PTPRD: variants seen among roughly 807,000 people sequenced by gnomAD.
PTPRD encodes protein tyrosine phosphatase receptor type D.
A neutral mutation model predicts 214.5 loss-of-function variants in PTPRD; 34 were observed. The ratio of observed to expected loss-of-function variants is 0.16; its 90% CI spans 0.12 to 0.21. The LOEUF (loss-of-function observed/expected upper bound fraction) is 0.21. Ranked by LOEUF, PTPRD falls within the 10% of genes least tolerant of loss-of-function variation. The pLI is 1.00. For synonymous variants in PTPRD, 1,128 were observed against 845.7 expected, an observed-to-expected ratio of 1.33 and a Z score of -5.79; for missense variants, 2,545 against 2,398.7, an observed-to-expected ratio of 1.06 and a Z score of -1.27.
intron 11 of PTPRD, among the ~76,000 whole-genome samples, chr9:8,823,289 C>A (rs1242707980): frequency 6.6e-6 from 1 of 152,174 alleles, no homozygotes; most frequent in Non-Finnish European, 1.5e-5. Context: ...TCCCTTCCCA[C>A]AAAGCTTTAA....
chr9:9,812,927 T>G (rs188421764), intron 5 of PTPRD, among the ~76,000 whole-genome samples: 12 of 152,224 alleles, frequency 7.9e-5, no homozygotes, highest in Non-Finnish European at 1.8e-4. Flanking sequence ...ATCAAATATC[T>G]TAAAAGATAC....
intron 3 of PTPRD, among the ~76,000 whole-genome samples, chr9:10,097,675 C>T (rs1342440331): frequency 1.3e-5 from 2 of 151,732 alleles, no homozygotes; most frequent in Non-Finnish European, 1.5e-5. Context: ...ACAATCATGT[C>T]GTCTGCAAAC....
At chr9:10,473,241 A>G (rs544073627) in intron 2 of PTPRD, among the ~76,000 whole-genome samples, 73 of 152,080 alleles carry the variant, frequency 4.8e-4, no homozygotes, top group Non-Finnish European at 3.7e-4. Context: ...AATGGTTATC[A>G]TGGAGAGGTA....
At position 9,571,541 on chromosome 9, in the gene PTPRD, C is replaced by G. The variant is rs201903486; in HGVS notation, c.-237+3191G>C. 1.7e-4 allele frequency among the ~76,000 whole-genome samples: 26 copies of G among 151,138 alleles called. No individual in the cohort carries two copies. In the East Asian group the frequency reaches 4.7e-3, roughly 27 times the overall value. ...CTAATATTCTGATATTTTAATGATG[C>G]TGTAGAACATTCATATTGCATACTT... On this transcript the variant is annotated intron_variant, in intron 8 of 45. Coordinates refer to ENST00000381196, the MANE Select transcript of PTPRD (RefSeq NM_002839.4).
chr9:8,554,884 G>A (rs1167170210), intron 14 of PTPRD, among the ~76,000 whole-genome samples: 6 of 152,120 alleles, frequency 3.9e-5, no homozygotes, highest in Non-Finnish European at 8.8e-5. Flanking sequence ...TGTTGGAAGA[G>A]TAAGGTGATC....
intron 5 of PTPRD, among the ~76,000 whole-genome samples, chr9:9,815,238 G>A (rs1055576220): frequency 6.6e-6 from 1 of 152,106 alleles, no homozygotes; most frequent in Non-Finnish European, 1.5e-5. Flanking sequence ...GCTAATCTTT[G>A]ATGAGAGTGC....
chr9:9,471,028 T>C (rs1025526109), intron 8 of PTPRD, among the ~76,000 whole-genome samples: 1 of 152,168 alleles, frequency 6.6e-6, no homozygotes, highest in South Asian at 2.1e-4. Flanking sequence ...ATGGGAAATA[T>C]CAGGTTGTAA....
At chr9:9,628,853 T>A (rs958599761) in intron 7 of PTPRD, among the ~76,000 whole-genome samples, 1 of 151,850 alleles carries the variant, frequency 6.6e-6, no homozygotes, top group African/African-American at 2.4e-5. Context: ...TAATACATAT[T>A]TATATATAAT....
At chr9:8,534,728 A>G (rs2076522793) in intron 14 of PTPRD, among the ~76,000 whole-genome samples, 1 of 151,856 alleles carries the variant, frequency 6.6e-6, no homozygotes, top group Admixed American at 6.6e-5. Flanking sequence ...GTAGTGTTCT[A>G]TGCAGCAGAA....
intron 9 of PTPRD, among the ~76,000 whole-genome samples, chr9:9,336,304 C>A (rs1290278317): frequency 6.6e-6 from 1 of 152,138 alleles, no homozygotes; most frequent in Non-Finnish European, 1.5e-5. Context: ...GAATGATACA[C>A]ATTCTCAAGG....
intron 5 of PTPRD, among the ~76,000 whole-genome samples, chr9:9,931,639 G>A (rs528309595): frequency 6.0e-4 from 91 of 151,476 alleles, no homozygotes; most frequent in African/African-American, 1.9e-3. Context: ...AGACGGCAAC[G>A]AGGCTGGGGG....
intron 14 of PTPRD, among the ~76,000 whole-genome samples, chr9:8,538,092 T>C (rs1240662893): frequency 2.6e-5 from 4 of 152,010 alleles, no homozygotes; most frequent in African/African-American, 9.7e-5. Flanking sequence ...TATTCCCTTC[T>C]TTGGGATTCA....
intron 25 of PTPRD, among the ~76,000 whole-genome samples, chr9:8,498,411 G>A (rs958961426): frequency 6.6e-6 from 1 of 152,072 alleles, no homozygotes; most frequent in Non-Finnish European, 1.5e-5. Context: ...TAGTAGCTGG[G>A]ACCACACAGG....
chr9:9,284,715 G>C (rs1488590980), intron 9 of PTPRD, among the ~76,000 whole-genome samples: 1 of 151,758 alleles, frequency 6.6e-6, no homozygotes, highest in Non-Finnish European at 1.5e-5. Context: ...TTAGAGAAAA[G>C]TGTCCTGGTG....
chr9:9,987,219 A>G (rs2095746379), intron 4 of PTPRD, among the ~76,000 whole-genome samples: 1 of 152,176 alleles, frequency 6.6e-6, no homozygotes, highest in Admixed American at 6.5e-5. Context: ...TGAATCTCCA[A>G]CCCAGTTTTT....
intron 7 of PTPRD, among the ~76,000 whole-genome samples, chr9:9,701,768 C>T (rs10511526): frequency 0.092 from 13,920 of 152,124 alleles, 1,048 homozygotes; most frequent in East Asian, 0.37. Flanking sequence ...GGAGTCTACA[C>T]GAGAGTTTCA....
chr9:8,721,825 C>A (rs893867628), intron 12 of PTPRD, among the ~76,000 whole-genome samples: 2 of 152,204 alleles, frequency 1.3e-5, no homozygotes, highest in Non-Finnish European at 2.9e-5. Flanking sequence ...TGTGAAAGGT[C>A]TATCATATTT....
intron 9 of PTPRD, among the ~76,000 whole-genome samples, chr9:9,250,314 T>C (rs11791433): frequency 0.23 from 35,353 of 152,000 alleles, 4,432 homozygotes; most frequent in Middle Eastern, 0.32. Context: ...AAACATCTCA[T>C]CTGTGAAGAA....
intron 7 of PTPRD, among the ~76,000 whole-genome samples, chr9:9,610,885 A>C (rs1354932002): frequency 6.6e-6 from 1 of 152,204 alleles, no homozygotes; most frequent in Non-Finnish European, 1.5e-5. Context: ...ATTTCTGCTA[A>C]AACAACCCAC....
Sources: gnomAD v4.1 joint callset for allele counts (sites outside exome capture counted in the v4.1 genomes callset) on GRCh38, gnomAD v4.1.1 for gene constraint, MANE v1.5 for transcripts, NCBI Gene and HGNC (gene_info 2026-07-23, HGNC 2026-07-21) for gene names.